The following ADAM2 variants were observed in gnomAD, a reference collection of about 807,000 sequenced individuals.
ADAM2 encodes the protein disintegrin and metalloproteinase domain-containing protein 2.
ADAM2 carries 101 observed loss-of-function variants against 99.3 expected under a neutral mutation model. That is an observed-to-expected ratio of 1.02 (90% CI 0.87 to 1.20). The LOEUF (loss-of-function observed/expected upper bound fraction) is 1.20, where lower values mean the gene tolerates loss of function less well. Ranked by LOEUF, ADAM2 falls within the 50% of genes most tolerant of loss-of-function variation. The probability of loss-of-function intolerance (pLI) is 0.00; values close to 1 mark genes in which losing one functional copy is unlikely to be tolerated. For missense variants in ADAM2, 948 were observed against 878.7 expected (o/e 1.08, Z -1.00); for synonymous variants, 323 against 287.6 (o/e 1.12, Z -1.25).
chr8:39,762,824 A>T (rs1802421745), intron 14 of ADAM2, among the ~76,000 whole-genome samples: 1 of 152,258 alleles, frequency 6.6e-6, no homozygotes, highest in East Asian at 1.9e-4. Flanking sequence ...TTGCATAGAT[A>T]TATACACAAA....
intron 2 of ADAM2, among the ~76,000 whole-genome samples, chr8:39,835,529 A>C (rs1158550120): frequency 2.6e-5 from 4 of 152,088 alleles, no homozygotes; most frequent in Admixed American, 2.6e-4. Flanking sequence ...AAAAATACAA[A>C]AAAACTAGCT....
chr8:39,830,612 A>G (rs1805573530), intron 3 of ADAM2, among the ~76,000 whole-genome samples: 1 of 152,158 alleles, frequency 6.6e-6, no homozygotes, highest in African/African-American at 2.4e-5. Flanking sequence ...TGGATTCTGG[A>G]TCAGAATCAT....
At position 39,749,660 on chromosome 8, in the gene ADAM2, T is replaced by C; in HGVS notation, c.1875+7A>G. 6.2e-7 allele frequency: 1 copy of C among 1,607,104 alleles called. No individual in the cohort carries two copies. The highest frequency in any genetic ancestry group is 8.5e-7 in the Non-Finnish European group (1 of 1,175,212). On this transcript the variant is annotated splice_region_variant and intron_variant, in intron 17 of 20. Transcript: ENST00000265708. The stretch of plus-strand genomic sequence containing the variant: ...TTCTATTTTCACCTCATAGTACTGC[T>C]ACTTACACCTCTATCATTGCATTTG...
Position 39,749,406 on chromosome 8 carries a change from T to C in ADAM2, c.1920A>G (p.Leu640=). The change falls in exon 18 of 21, where the codon TTA becomes TTG. Residue 640 remains leucine (L), a synonymous_variant. Transcript: ENST00000265708. ...CTGATTGAACTGAGCAATCTGGAGGTAAATATGAAGCACTACAGTGACAGT... is the reference window on the plus strand; with the variant it reads ...CTGATTGAACTGAGCAATCTGGAGGCAAATATGAAGCACTACAGTGACAGT... ...KKHCHCSASY[L]PPDCSVQSDL... 6.2e-7 allele frequency: 1 copy of C among 1,613,310 alleles called. No homozygotes were observed. The highest frequency in any genetic ancestry group is 8.5e-7 in the Non-Finnish European group (1 of 1,179,518).
chr8:39,750,667 C>T (rs989513651), intron 16 of ADAM2, among the ~76,000 whole-genome samples: 11 of 152,138 alleles, frequency 7.2e-5, no homozygotes, highest in African/African-American at 2.4e-4. Context: ...AAAGTTGAAA[C>T]CAGCTGAGTT....
chr8:39,821,192 T>C (rs1362259798), intron 5 of ADAM2, 22 bp from the exon 6 acceptor site: 1 of 1,496,812 alleles, frequency 6.7e-7, no homozygotes, highest in South Asian at 1.3e-5. Flanking sequence ...AAAAAAAAAT[T>C]AATAAGTAAA....
At chr8:39,832,480 T>A (rs1274345500) in intron 3 of ADAM2, among the ~76,000 whole-genome samples, 1 of 152,198 alleles carries the variant, frequency 6.6e-6, no homozygotes, top group African/African-American at 2.4e-5. Flanking sequence ...ATACACTTTA[T>A]TCTCATCTGA....
intron 6 of ADAM2, among the ~76,000 whole-genome samples, chr8:39,817,552 T>C (rs1180630947): frequency 6.6e-6 from 1 of 152,180 alleles, no homozygotes; most frequent in Non-Finnish European, 1.5e-5. Flanking sequence ...ATTACCCTGA[T>C]TTGATCATTA....
chr8:39,757,790 C>T (rs1802205307), intron 15 of ADAM2, among the ~76,000 whole-genome samples: 1 of 152,052 alleles, frequency 6.6e-6, no homozygotes, highest in Non-Finnish European at 1.5e-5. Context: ...ATGTATTAGT[C>T]ATATTATATG....
In ADAM2 at chr8:39,788,610, G is replaced by T. The variant is rs1378763901; in HGVS notation, c.642+59C>A. The T allele has an allele frequency of 5.2e-6, 6 of 1,161,872 alleles. No homozygotes were observed. In the Admixed American group the frequency reaches 6.3e-5, roughly 12 times the overall value. The allele number at this position is 1,161,872 out of a possible 1,614,324, so 72.0% of individuals were successfully genotyped here. On this transcript the variant is annotated intron_variant, in intron 8 of 20. Transcript: ENST00000265708. ...TGGATTCATGTAGTGTCATAATGAG[G>T]TGTAGAAATTGTTTTAGTAACACAA...
At chr8:39,780,096 C>T (rs1222546917) in intron 10 of ADAM2, among the ~76,000 whole-genome samples, 1 of 152,048 alleles carries the variant, frequency 6.6e-6, no homozygotes, top group African/African-American at 2.4e-5. Flanking sequence ...GGAAGCATCA[C>T]AGTCATAGTG....
chr8:39,749,668 C>G lies in ADAM2; in HGVS notation c.1874G>C (p.Gly625Ala), dbSNP rs768126560. ...TCACCTCATAGTACTGCTACTTACA[C>G]CTCTATCATTGCATTTGTCAGTAGT... ...DCTTDKCNDRGVCNNKKHCHC... is the reference protein window; with the variant it reads ...DCTTDKCNDRAVCNNKKHCHC... The change falls in exon 17 of 21, where the codon GGT (glycine) becomes GCT (alanine). Residue 625 changes from glycine to alanine, a missense_variant and splice_region_variant. Physicochemically the swap from Gly to Ala is moderately conservative, Grantham distance 60. Transcript: ENST00000265708. 2.5e-6 allele frequency: 4 copies of G among 1,609,318 alleles called. No individual in the cohort carries two copies. The Admixed American group carries it at 6.7e-5, about 27-fold the overall frequency.
chr8:39,833,179 TC>T (rs1805685527), intron 3 of ADAM2, among the ~76,000 whole-genome samples: 1 of 152,116 alleles, frequency 6.6e-6, no homozygotes, highest in African/African-American at 2.4e-5. Flanking sequence ...GCACTTTTTT[TC>T]TTCAGAAAAA....
chr8:39,802,809 C>T (rs1026166132), intron 7 of ADAM2, among the ~76,000 whole-genome samples: 1 of 152,060 alleles, frequency 6.6e-6, no homozygotes, highest in Non-Finnish European at 1.5e-5. Flanking sequence ...AACTAACTGC[C>T]CTCTGAACTC....
intron 11 of ADAM2, among the ~76,000 whole-genome samples, chr8:39,769,929 C>G (rs1017428917): frequency 6.8e-6 from 1 of 147,822 alleles, no homozygotes; most frequent in East Asian, 2.0e-4. Context: ...AGAAAACAGG[C>G]TTTTCTTTTT....
intron 10 of ADAM2, among the ~76,000 whole-genome samples, chr8:39,781,500 T>C (rs1243788703): frequency 2.0e-5 from 3 of 152,216 alleles, no homozygotes; most frequent in African/African-American, 4.8e-5. Flanking sequence ...TATTATTTTA[T>C]TTCTGGCTAG....
intron 10 of ADAM2, among the ~76,000 whole-genome samples, chr8:39,781,143 A>G (rs1284160289): frequency 1.3e-5 from 2 of 151,970 alleles, no homozygotes; most frequent in Admixed American, 1.3e-4. Flanking sequence ...TTTCATATAC[A>G]TATCAATGTG....
At chr8:39,824,719 C>T in intron 4 of ADAM2, 100 bp downstream of exon 4, 1 of 707,154 alleles carries the variant, frequency 1.4e-6, no homozygotes, top group East Asian at 2.6e-5. Context: ...TGCCAAGAAG[C>T]CATGACCCAA....
Position 39,831,193 on chromosome 8 carries a change from A to C in ADAM2, c.188+2751T>G, listed in dbSNP as rs531192497. On this transcript the variant is annotated intron_variant, in intron 3 of 20. Coordinates refer to ENST00000265708, the MANE Select transcript of ADAM2 (RefSeq NM_001464.5). ...CCTGCTGTACAGAGACCCTGGACAAAAGGATGCTACCCAATACTGACTGAG... is the reference window on the plus strand; with the variant it reads ...CCTGCTGTACAGAGACCCTGGACAACAGGATGCTACCCAATACTGACTGAG... Among the ~76,000 whole-genome samples the C allele has an allele frequency of 2.6e-5, 4 of 152,298 alleles. No homozygotes were observed. In the East Asian group the frequency reaches 7.7e-4, roughly 29 times the overall value.
Sources: gnomAD v4.1 joint callset for allele counts (sites outside exome capture counted in the v4.1 genomes callset) on GRCh38, gnomAD v4.1.1 for gene constraint, MANE v1.5 for transcripts, NCBI Gene and HGNC (gene_info 2026-07-23, HGNC 2026-07-21) for gene names.